The following TPD52 variants were observed in gnomAD, a reference collection of about 807,000 sequenced individuals.
The protein encoded by TPD52 is tumor protein D52, also known as prostate and colon associated protein.
In TPD52, 17 loss-of-function variants were observed where a neutral mutation model predicts 31.3. The ratio of observed to expected loss-of-function variants is 0.54; its 90% confidence interval spans 0.37 to 0.82. The LOEUF (loss-of-function observed/expected upper bound fraction) is 0.82. Among genes scored for constraint, TPD52 ranks in the 40% least tolerant of loss-of-function variants. TPD52 has a pLI of 0.00. For synonymous variants in TPD52, 83 were observed against 89.6 expected (o/e 0.93, Z 0.42); for missense variants, 212 against 240.1 (o/e 0.88, Z 0.77).
Position 80,064,543 on chromosome 8 carries a change from T to G in TPD52, c.70A>C (p.Thr24Pro). The change falls in exon 2 of 8, where the codon ACG becomes CCG. Residue 24 changes from threonine (T) to proline (P), a missense_variant. Coordinates refer to ENST00000518937, the MANE Select transcript of TPD52 (RefSeq NM_001025253.3). Reference protein sequence around the residue: ...VPEEGEDVAATISATETLSEE... With the variant: ...VPEEGEDVAAPISATETLSEE... ...GAGAGGGTCTCTGTGGCACTGATCG[T>G]GGCAGCAACATCTTCTCCTTCCTCA... The G allele has an allele frequency of 6.2e-7, 1 of 1,614,210 alleles. No homozygotes were observed. The highest frequency in any genetic ancestry group is 8.5e-7 in the Non-Finnish European group (1 of 1,180,020).
chr8:80,051,677 T>C (rs773553495), intron 3 of TPD52, 49 bp from the exon 4 acceptor site: 1 of 1,444,052 alleles, frequency 6.9e-7, no homozygotes, highest in Non-Finnish European at 9.4e-7. Context: ...CAGCTCATCT[T>C]TTCTAATATC....
At position 80,044,195 on chromosome 8, in the gene TPD52, G is replaced by A. The variant is rs1206527152; in HGVS notation, c.427C>T (p.Gln143Ter). ...FSHSFSIRSI[Q>*]HSISMPAMRN... ...ATAGCAGGCATGCTAATTGAATGCTGAATGGAACGTATACTAAGAGGCAGC... is the reference window on the plus strand; with the variant it reads ...ATAGCAGGCATGCTAATTGAATGCTAAATGGAACGTATACTAAGAGGCAGC... The change falls in exon 6 of 8, where the codon CAG (glutamine) becomes TAG (stop). Residue 143 changes from glutamine to a stop codon, truncating the protein, a stop_gained. Transcript: ENST00000518937. LOFTEE classifies it high-confidence loss of function. 6.3e-7 allele frequency: 1 copy of A among 1,585,628 alleles called. No individual in the cohort carries two copies.
chr8:80,070,367 C>T (rs377246567), intron 1 of TPD52, among the ~76,000 whole-genome samples: 47 of 152,210 alleles, frequency 3.1e-4, no homozygotes, highest in Non-Finnish European at 6.0e-4. Context: ...AATTCTGAAT[C>T]GTTTAAGTCA....
At chr8:80,160,145 T>C (rs1325666148) in intron 1 of TPD52, among the ~76,000 whole-genome samples, 6 of 151,870 alleles carry the variant, frequency 4.0e-5, no homozygotes, top group Non-Finnish European at 8.8e-5. Context: ...GAGCCATGAT[T>C]GCACCACTGC....
chr8:80,053,108 ATTGAAGTTACAAAAAAAGGCAGGCACAC>A, intron 3 of TPD52, 146 bp downstream of exon 3: 1 of 593,278 alleles, frequency 1.7e-6, no homozygotes, highest in Non-Finnish European at 2.8e-6. Context: ...GTCTGGAAAA[ATTGAAGTTACAAAAAAAGGCAGGCACAC>A]TTGAAAATCA....
intron 4 of TPD52, among the ~76,000 whole-genome samples, chr8:80,050,947 AC>A (rs1168044305): frequency 2.0e-5 from 3 of 151,932 alleles, no homozygotes; most frequent in African/African-American, 4.8e-5. Flanking sequence ...GCACAAAAGC[AC>A]TGTGAAGTGG....
chr8:80,146,169 C>T (rs1423397926), intron 1 of TPD52, among the ~76,000 whole-genome samples: 6 of 152,168 alleles, frequency 3.9e-5, no homozygotes, highest in African/African-American at 7.2e-5. Context: ...TATACATACA[C>T]GGAATCTAAC....
At chr8:80,166,296 G>C (rs1811706091) in intron 1 of TPD52, among the ~76,000 whole-genome samples, 1 of 152,046 alleles carries the variant, frequency 6.6e-6, no homozygotes, top group Admixed American at 6.5e-5. Context: ...CTGGGCAAGA[G>C]AGAGAGACTC....
intron 1 of TPD52, chr8:80,119,761 A>C: frequency 3.1e-6 from 1 of 324,764 alleles, no homozygotes; most frequent in South Asian, 2.5e-5. Context: ...ATTTGAAACA[A>C]GTCCAGAAAT....
intron 1 of TPD52, among the ~76,000 whole-genome samples, chr8:80,150,685 C>T (rs553144448): frequency 1.1e-4 from 16 of 152,184 alleles, no homozygotes; most frequent in African/African-American, 2.4e-4. Flanking sequence ...CACTGGATTT[C>T]GGACTTGCAT....
chr8:80,072,476 T>C (rs1365018206), intron 1 of TPD52, among the ~76,000 whole-genome samples: 12 of 890 alleles, frequency 0.013, 2 homozygotes, highest in African/African-American at 0.1. Context: ...TGTATATACA[T>C]GTACACATAG....
chr8:80,144,241 A>G (rs1049767021), intron 1 of TPD52, among the ~76,000 whole-genome samples: 6 of 152,218 alleles, frequency 3.9e-5, no homozygotes, highest in Admixed American at 3.3e-4. Context: ...CAATATTCCA[A>G]TTAGTACATA....
In TPD52 at chr8:80,101,448, C is replaced by CAAAAAA. The variant is rs113660828; in HGVS notation, c.20-36861_20-36856dup. Among the ~76,000 whole-genome samples the CAAAAAA allele has an allele frequency of 1.1e-3, 130 of 114,694 alleles. 3 individuals are homozygous for CAAAAAA. Among genetic ancestry groups the CAAAAAA allele is most frequent in the African/African-American group, 3.2e-3 (109 of 34,602 alleles). 75.2% of individuals were successfully genotyped at this position (114,694 alleles called of 152,430 possible). A position where few individuals can be genotyped will look rare whatever the true frequency, so the allele number is the denominator to read the frequency against. ...GGGCGACAGAGTGAGACTCCCAGCTCAAAAAAAAAAAAAAAAAAAAAAAAA... is the reference window on the plus strand; with the variant it reads ...GGGCGACAGAGTGAGACTCCCAGCTCAAAAAAAAAAAAAAAAAAAAAAAAAAAAAAA... On this transcript the variant is annotated intron_variant, in intron 1 of 7. Transcript: ENST00000518937.
chr8:80,092,550 A>C (rs1231569334), intron 1 of TPD52, among the ~76,000 whole-genome samples: 1 of 152,218 alleles, frequency 6.6e-6, no homozygotes, highest in Non-Finnish European at 1.5e-5. Context: ...TGAATAAAGA[A>C]AATTGTGGTA....
At chr8:80,171,187 C>T (rs1239282675) in intron 1 of TPD52, 2 of 701,110 alleles carry the variant, frequency 2.9e-6, no homozygotes, top group Non-Finnish European at 5.2e-6. Context: ...TCTCCCTCTC[C>T]CCCACACACG....
At chr8:80,167,219 A>T (rs1811773853) in intron 1 of TPD52, among the ~76,000 whole-genome samples, 1 of 152,218 alleles carries the variant, frequency 6.6e-6, no homozygotes, top group African/African-American at 2.4e-5. Flanking sequence ...AAAATTTGGG[A>T]ATGTCTCAGA....
intron 1 of TPD52, among the ~76,000 whole-genome samples, chr8:80,160,361 C>T (rs1439713691): frequency 1.3e-5 from 2 of 152,198 alleles, no homozygotes; most frequent in East Asian, 3.9e-4. Context: ...TGTACCAGTC[C>T]TACCTTCCTG....
intron 1 of TPD52, among the ~76,000 whole-genome samples, chr8:80,106,510 C>T (rs1807122332): frequency 6.6e-6 from 1 of 151,906 alleles, no homozygotes; most frequent in South Asian, 2.1e-4. Flanking sequence ...GTGCACGCCA[C>T]CACACCCGGC....
At chr8:80,114,170 T>C (rs1270371497) in intron 1 of TPD52, among the ~76,000 whole-genome samples, 1 of 152,088 alleles carries the variant, frequency 6.6e-6, no homozygotes, top group African/African-American at 2.4e-5. Context: ...ACCCAGGAAG[T>C]GGAGACTGCA....
Sources: gnomAD v4.1 joint callset for allele counts (sites outside exome capture counted in the v4.1 genomes callset) on GRCh38, gnomAD v4.1.1 for gene constraint, MANE v1.5 for transcripts, NCBI Gene and HGNC (gene_info 2026-07-23, HGNC 2026-07-21) for gene names.